The following PHF14 variants were observed in gnomAD, a reference collection of about 807,000 sequenced individuals.
PHF14 encodes PHD finger protein 14.
In PHF14, 55 loss-of-function variants were observed where a neutral mutation model predicts 117.9. That is an observed-to-expected ratio of 0.47 (90% CI 0.38 to 0.58). The LOEUF (loss-of-function observed/expected upper bound fraction) is 0.58. Among genes scored for constraint, PHF14 ranks in the 20% least tolerant of loss-of-function variants. The pLI is 0.00. For missense variants in PHF14, 978 were observed against 1,122.2 expected (o/e 0.87, Z 1.84); for synonymous variants, 409 against 368.6 (o/e 1.11, Z -1.26).
At chr7:11,053,238 T>C (rs936010202) in intron 14 of PHF14, among the ~76,000 whole-genome samples, 2 of 152,152 alleles carry the variant, frequency 1.3e-5, no homozygotes, top group African/African-American at 2.4e-5. Context: ...AAAGATCTTA[T>C]TCAGGAGATT....
At chr7:11,060,917 AG>A (rs1462246296) in intron 14 of PHF14, among the ~76,000 whole-genome samples, 3 of 140,878 alleles carry the variant, frequency 2.1e-5, no homozygotes, top group East Asian at 4.4e-4. Context: ...CTTGATATGA[AG>A]AATTGAAATT....
intron 16 of PHF14, chr7:11,105,517 C>T (rs1021384800): frequency 9.5e-5 from 93 of 979,618 alleles, no homozygotes; most frequent in Non-Finnish European, 1.1e-4. Context: ...AGAATATTTA[C>T]ATCATTAAAT....
intron 4 of PHF14, among the ~76,000 whole-genome samples, chr7:11,002,855 G>A (rs1004811172): frequency 1.3e-5 from 2 of 152,200 alleles, no homozygotes; most frequent in African/African-American, 4.8e-5. Flanking sequence ...CCAATAGAAG[G>A]TTGAGGGTCA....
At chr7:11,068,273 C>T (rs1251607492) in intron 16 of PHF14, among the ~76,000 whole-genome samples, 1 of 149,854 alleles carries the variant, frequency 6.7e-6, no homozygotes, top group African/African-American at 2.5e-5. Context: ...ATGGCATGAA[C>T]CCGGAGGCAG....
chr7:11,143,328 C>T (rs558621320), intron 17 of PHF14, among the ~76,000 whole-genome samples: 1 of 152,020 alleles, frequency 6.6e-6, no homozygotes, highest in Non-Finnish European at 1.5e-5. Flanking sequence ...ATTGTGTTGT[C>T]CAGGCTGATC....
At chr7:11,035,814 G>A (rs557303658) in intron 8 of PHF14, 28 bp downstream of exon 8, 2 of 1,553,872 alleles carry the variant, frequency 1.3e-6, no homozygotes, top group South Asian at 2.4e-5. Flanking sequence ...AAACCCGTAT[G>A]TTTTTGTTTT....
chr7:10,975,734 T>A (rs764397856), intron 2 of PHF14, among the ~76,000 whole-genome samples: 1 of 152,120 alleles, frequency 6.6e-6, no homozygotes, highest in Non-Finnish European at 1.5e-5. Flanking sequence ...CTTTTGAAAA[T>A]TTTAATAAAG....
At chr7:11,160,492 G>T (rs1467898315) in intron 17 of PHF14, among the ~76,000 whole-genome samples, 1 of 152,142 alleles carries the variant, frequency 6.6e-6, no homozygotes, top group African/African-American at 2.4e-5. Context: ...CACAGTGGCT[G>T]AAAAAATTTA....
chr7:11,032,309 ATG>A, intron 7 of PHF14, among the ~76,000 whole-genome samples: 1 of 152,282 alleles, frequency 6.6e-6, no homozygotes, highest in East Asian at 1.9e-4. Context: ...TTGTATTTAA[ATG>A]TTTCTGGTTT....
chr7:11,087,588 A>C (rs1298432218), intron 16 of PHF14, among the ~76,000 whole-genome samples: 2 of 152,110 alleles, frequency 1.3e-5, no homozygotes, highest in Non-Finnish European at 2.9e-5. Context: ...CCAATGATTG[A>C]CTTCTAAGGA....
At chr7:11,015,005 A>C (rs13242915) in intron 5 of PHF14, 4 of 53,606 alleles carry the variant, frequency 7.5e-5, no homozygotes, top group Non-Finnish European at 1.4e-4. Flanking sequence ...CCAATATAAG[A>C]GGGGGGGTGG....
chr7:11,088,387 T>C (rs1786501349), intron 16 of PHF14, among the ~76,000 whole-genome samples: 1 of 142,490 alleles, frequency 7.0e-6, no homozygotes, highest in Non-Finnish European at 1.5e-5. Context: ...TAATGTGTGT[T>C]GTTCACATAC....
chr7:11,084,250 A>G (rs1467996217), intron 16 of PHF14, among the ~76,000 whole-genome samples: 1 of 152,060 alleles, frequency 6.6e-6, no homozygotes, highest in African/African-American at 2.4e-5. Flanking sequence ...GTTTCAGCAT[A>G]CACAGATAGC....
intron 17 of PHF14, among the ~76,000 whole-genome samples, chr7:11,157,211 T>C (rs1258269644): frequency 6.6e-6 from 1 of 152,196 alleles, no homozygotes; most frequent in African/African-American, 2.4e-5. Flanking sequence ...ACAATCATTG[T>C]TCAATAAATT....
At chr7:11,066,280 GTTGT>G (rs1228823070) in intron 16 of PHF14, among the ~76,000 whole-genome samples, 11 of 152,014 alleles carry the variant, frequency 7.2e-5, no homozygotes, top group Non-Finnish European at 1.5e-5. Context: ...TAATTTTTTT[GTTGT>G]TTGTTTTCGT....
At chr7:11,168,108 CTT>C (rs968316619) in intron 17 of PHF14, among the ~76,000 whole-genome samples, 12 of 150,506 alleles carry the variant, frequency 8.0e-5, no homozygotes, top group African/African-American at 1.9e-4. Flanking sequence ...AAGAATCAAA[CTT>C]AATGTATCTA....
rs966553847 is a variant in PHF14 at position 11,028,950 on chromosome 7, C to G, written c.1455+132C>G. 4.9e-5 allele frequency: 36 copies of G among 741,748 alleles called. No individual in the cohort carries two copies. In the African/African-American group the frequency reaches 6.0e-4, roughly 12 times the overall value. The allele number at this position is 741,748 out of a possible 1,614,324, so 45.9% of individuals were successfully genotyped here. A position where few individuals can be genotyped will look rare whatever the true frequency, so the allele number is the denominator to read the frequency against. On this transcript the variant is annotated intron_variant, in intron 7 of 17. Coordinates refer to ENST00000634607, the MANE Select transcript of PHF14 (RefSeq NM_001007157.2). ...TAAAGTTCTTGCCAAGATCACTGTTCTAAAACTTTAAGAGTAAATGCCTAT... is the reference window on the plus strand; with the variant it reads ...TAAAGTTCTTGCCAAGATCACTGTTGTAAAACTTTAAGAGTAAATGCCTAT...
intron 5 of PHF14, among the ~76,000 whole-genome samples, chr7:11,016,388 G>C (rs1018144677): frequency 3.3e-5 from 5 of 151,934 alleles, no homozygotes; most frequent in Non-Finnish European, 2.9e-5. Context: ...AGGTTTTGAA[G>C]TTCACCATCA....
At chr7:11,103,928 A>G in intron 16 of PHF14, 2 of 982,980 alleles carry the variant, frequency 2.0e-6, no homozygotes, top group Non-Finnish European at 2.4e-6. Flanking sequence ...TTTGTTTAAA[A>G]GAATAAGATA....
Sources: gnomAD v4.1 joint callset for allele counts (sites outside exome capture counted in the v4.1 genomes callset) on GRCh38, gnomAD v4.1.1 for gene constraint, MANE v1.5 for transcripts, NCBI Gene and HGNC (gene_info 2026-07-23, HGNC 2026-07-21) for gene names.